KLHL1: variants seen among roughly 807,000 people sequenced by gnomAD.
KLHL1 encodes kelch-like protein 1.
Under a neutral mutation model 77.7 loss-of-function variants are expected in KLHL1, and 47 were observed. The observed-to-expected ratio is 0.60, with a 90% CI of 0.48 to 0.77. KLHL1 has a LOEUF of 0.77. KLHL1 is among the 30% of genes least tolerant of loss of function. KLHL1 has a pLI of 0.00. For missense variants in KLHL1, 925 were observed against 910.8 expected, an observed-to-expected ratio of 1.02 and a Z score of -0.20; for synonymous variants, 360 against 325.2, an observed-to-expected ratio of 1.11 and a Z score of -1.15.
intron 1 of KLHL1, among the ~76,000 whole-genome samples, chr13:70,074,530 G>T (rs1457593310): frequency 1.3e-5 from 2 of 151,966 alleles, no homozygotes; most frequent in Non-Finnish European, 2.9e-5. Flanking sequence ...GCATTCCAAA[G>T]GGGACACAGG....
intron 8 of KLHL1, among the ~76,000 whole-genome samples, chr13:69,734,278 T>C (rs546787152): frequency 2.0e-5 from 3 of 152,258 alleles, no homozygotes; most frequent in Admixed American, 6.5e-5. Flanking sequence ...TCTGCCACCA[T>C]TGTAAGTTTC....
chr13:69,794,930 A>G (rs1877037373), intron 7 of KLHL1, among the ~76,000 whole-genome samples: 1 of 152,206 alleles, frequency 6.6e-6, no homozygotes, highest in South Asian at 2.1e-4. Flanking sequence ...CATCTATGCA[A>G]TGGAAGTCCC....
At chr13:70,023,943 A>G (rs1326241603) in intron 1 of KLHL1, among the ~76,000 whole-genome samples, 3 of 151,942 alleles carry the variant, frequency 2.0e-5, no homozygotes, top group African/African-American at 7.2e-5. Flanking sequence ...ATATGACTCC[A>G]TTAGAAACGT....
intron 1 of KLHL1, among the ~76,000 whole-genome samples, chr13:70,002,217 T>C (rs1885309045): frequency 6.6e-6 from 1 of 151,490 alleles, no homozygotes. Flanking sequence ...AAGAAGAAAA[T>C]ATAACAATAT....
At chr13:69,818,891 T>G (rs911120353) in intron 6 of KLHL1, among the ~76,000 whole-genome samples, 2 of 152,180 alleles carry the variant, frequency 1.3e-5, no homozygotes, top group African/African-American at 4.8e-5. Context: ...AAAATAACCC[T>G]TCTTTTATTA....
At chr13:70,076,621 A>AC (rs1339632457) in intron 1 of KLHL1, among the ~76,000 whole-genome samples, 7 of 151,608 alleles carry the variant, frequency 4.6e-5, no homozygotes, top group African/African-American at 1.7e-4. Flanking sequence ...AGAAAACAAA[A>AC]AAAAACAAAA....
At chr13:69,763,147 T>A (rs1210755615) in intron 7 of KLHL1, among the ~76,000 whole-genome samples, 2 of 152,206 alleles carry the variant, frequency 1.3e-5, no homozygotes, top group Admixed American at 1.3e-4. Context: ...AAGGCCACGG[T>A]TGCACAACAG....
chr13:69,922,361 C>T (rs112508877), intron 4 of KLHL1, among the ~76,000 whole-genome samples: 2,499 of 151,922 alleles, frequency 0.016, 18 homozygotes, highest in Middle Eastern at 0.044. Flanking sequence ...TGGTGAAGTA[C>T]GAAATGGTGG....
intron 4 of KLHL1, among the ~76,000 whole-genome samples, chr13:69,896,161 C>T (rs7332783): frequency 0.76 from 115,688 of 152,008 alleles, 46,808 homozygotes; most frequent in East Asian, 0.96. Context: ...CCCACTTTCT[C>T]CATCTTTACA....
intron 7 of KLHL1, among the ~76,000 whole-genome samples, chr13:69,760,282 C>A (rs1874958615): frequency 6.6e-6 from 1 of 152,060 alleles, no homozygotes; most frequent in South Asian, 2.1e-4. Context: ...CTTTTGTAAA[C>A]ACCTTATCCA....
chr13:70,008,964 C>T (rs1387825162), intron 1 of KLHL1, among the ~76,000 whole-genome samples: 1 of 152,036 alleles, frequency 6.6e-6, no homozygotes, highest in Non-Finnish European at 1.5e-5. Flanking sequence ...TTATATTTGT[C>T]ATTAAATTTG....
At chr13:70,043,215 A>G (rs1344154032) in intron 1 of KLHL1, among the ~76,000 whole-genome samples, 10 of 151,904 alleles carry the variant, frequency 6.6e-5, no homozygotes. Context: ...TGTGTCTTAT[A>G]TTTTAACAAA....
At chr13:70,080,364 T>G (rs1887364884) in intron 1 of KLHL1, among the ~76,000 whole-genome samples, 1 of 152,186 alleles carries the variant, frequency 6.6e-6, no homozygotes, top group Admixed American at 6.5e-5. Context: ...CAGAAAAATG[T>G]ATGATAATTA....
chr13:69,795,550 G>C (rs1467241593), intron 7 of KLHL1, among the ~76,000 whole-genome samples: 2 of 152,090 alleles, frequency 1.3e-5, no homozygotes, highest in African/African-American at 4.8e-5. Flanking sequence ...GTAAATTCAA[G>C]AACTGTTAGT....
chr13:69,764,057 T>C (rs1387047693), intron 7 of KLHL1, among the ~76,000 whole-genome samples: 1 of 152,150 alleles, frequency 6.6e-6, no homozygotes, highest in African/African-American at 2.4e-5. Flanking sequence ...TGCCTGAAGT[T>C]TTGATCAATC....
intron 1 of KLHL1, among the ~76,000 whole-genome samples, chr13:69,977,547 G>A (rs1489012574): frequency 6.6e-6 from 1 of 152,094 alleles, no homozygotes; most frequent in Non-Finnish European, 1.5e-5. Flanking sequence ...AATCTTAAAA[G>A]TAGAGGGGAG....
chr13:70,019,120 T>C (rs948871969), intron 1 of KLHL1, among the ~76,000 whole-genome samples: 32 of 143,174 alleles, frequency 2.2e-4, no homozygotes, highest in Admixed American at 1.4e-4. Context: ...GATCATTCTT[T>C]CAAGGCTCTT....
chr13:70,079,731 T>C (rs1887349787), intron 1 of KLHL1, among the ~76,000 whole-genome samples: 1 of 152,280 alleles, frequency 6.6e-6, no homozygotes, highest in East Asian at 1.9e-4. Context: ...GTGAACTAGG[T>C]AATATTACTC....
intron 4 of KLHL1, among the ~76,000 whole-genome samples, chr13:69,915,936 T>C (rs1882415607): frequency 6.6e-6 from 1 of 152,094 alleles, no homozygotes; most frequent in African/African-American, 2.4e-5. Flanking sequence ...GGGCAAAGGA[T>C]ATGAACAGAC....
Sources: allele counts gnomAD v4.1 joint callset (sites outside exome capture counted in the v4.1 genomes callset), GRCh38; gene constraint gnomAD v4.1.1; transcripts MANE v1.5; gene names NCBI Gene and HGNC (gene_info 2026-07-23, HGNC 2026-07-21).